UBOX5: variants seen among roughly 807,000 people sequenced by gnomAD.
UBOX5 encodes the protein RING finger protein 37.
In UBOX5, 28 loss-of-function variants were observed where a neutral mutation model predicts 39.0. That is an observed-to-expected ratio of 0.72 (90% CI 0.53 to 0.98). The LOEUF is 0.98. Among genes scored for constraint, UBOX5 ranks in the 50% least tolerant of loss-of-function variants. The probability of loss-of-function intolerance (pLI) is 0.00; values close to 1 mark genes in which losing one functional copy is unlikely to be tolerated. For synonymous variants in UBOX5, 283 were observed against 275.5 expected (o/e 1.03, Z -0.27); for missense variants, 585 against 674.4 (o/e 0.87, Z 1.47).
intron 1 of UBOX5, among the ~76,000 whole-genome samples, chr20:3,143,535 C>A (rs577543857): frequency 4.3e-4 from 66 of 152,260 alleles, no homozygotes; most frequent in African/African-American, 1.6e-3. Flanking sequence ...GTGGCTCACA[C>A]CTGTAATCCC....
At chr20:3,140,573 TTC>T (rs2066509634) in intron 1 of UBOX5, among the ~76,000 whole-genome samples, 1 of 152,162 alleles carries the variant, frequency 6.6e-6, no homozygotes, top group Admixed American at 6.5e-5. Flanking sequence ...CTGCTCTTGC[TTC>T]TCTCCTGAAT....
chr20:3,109,294 C>G lies in UBOX5; in HGVS notation c.*812G>C, dbSNP rs2066234441. The G allele has an allele frequency of 6.6e-6, 1 of 152,046 alleles. No individual in the cohort carries two copies. Among genetic ancestry groups the G allele is most frequent in the Non-Finnish European group, 1.5e-5 (1 of 68,028 alleles). The allele number at this position is 152,046 out of a possible 1,614,324, so 9.4% of individuals were successfully genotyped here. A position where few individuals can be genotyped will look rare whatever the true frequency, so the allele number is the denominator to read the frequency against. ...TATAAACAAGTATTTTTCCTGAAACCAACTGCATGAGGAAACGCTGCGCTC... is the reference window on the plus strand; with the variant it reads ...TATAAACAAGTATTTTTCCTGAAACGAACTGCATGAGGAAACGCTGCGCTC... On this transcript the variant is annotated 3_prime_UTR_variant, in exon 5 of 5. Coordinates refer to ENST00000217173, the MANE Select transcript of UBOX5 (RefSeq NM_014948.4).
chr20:3,122,391 A>G lies in UBOX5; in HGVS notation c.248T>C (p.Met83Thr). 6.2e-7 allele frequency: 1 copy of G among 1,614,128 alleles called. No individual in the cohort carries two copies. Among genetic ancestry groups the G allele is most frequent in the Non-Finnish European group, 8.5e-7 (1 of 1,180,008 alleles). Residue 83 changes from methionine (M) to threonine (T), a missense_variant, in exon 3 of 5, where the codon ATG (methionine) becomes ACG (threonine). Physicochemically the swap from Met to Thr is moderately conservative, Grantham distance 81. Coordinates refer to ENST00000217173, the MANE Select transcript of UBOX5 (RefSeq NM_014948.4). ...GGGQNVTGLE[M>T]YTSASSSRVS... ...TCTGCTAGATGAGGCAGATGTGTAC[A>G]TTTCCAGGCCAGTGACGTTCTGACC... is the stretch of plus-strand genomic sequence containing the variant.
At chr20:3,110,815 T>G in intron 4 of UBOX5, 1 of 156,870 alleles carries the variant, frequency 6.4e-6, no homozygotes, top group Non-Finnish European at 1.4e-5. Context: ...CTGGGCAACA[T>G]AGTGAGATAC....
At chr20:3,140,916 A>ATTTTTTT (rs11365728) in intron 1 of UBOX5, among the ~76,000 whole-genome samples, 3 of 111,996 alleles carry the variant, frequency 2.7e-5, no homozygotes, top group Non-Finnish European at 5.5e-5. Flanking sequence ...GGGTTGCCAG[A>ATTTTTTT]TTTTTTTTTT....
intron 3 of UBOX5, 135 bp downstream of exon 3, chr20:3,121,249 G>C: frequency 7.4e-7 from 1 of 1,343,478 alleles, no homozygotes; most frequent in Non-Finnish European, 1.0e-6. Context: ...CCCAGGATGG[G>C]AAACGGGAAG....
chr20:3,123,685 C>G (rs2066355499), intron 1 of UBOX5, among the ~76,000 whole-genome samples: 1 of 152,146 alleles, frequency 6.6e-6, no homozygotes, highest in Admixed American at 6.5e-5. Context: ...GGAGGCAAGG[C>G]CCATCAGCTG....
chr20:3,147,227 T>G, intron 1 of UBOX5: 1 of 1,614,228 alleles, frequency 6.2e-7, no homozygotes, highest in Non-Finnish European at 8.5e-7. Context: ...AAGCCTTAAT[T>G]TGGCTACATT....
chr20:3,146,239 G>A (rs1324249683), intron 1 of UBOX5, among the ~76,000 whole-genome samples: 4 of 151,864 alleles, frequency 2.6e-5, no homozygotes, highest in Admixed American at 2.6e-4. Context: ...TACTCGGGAG[G>A]ATGAGGCAGG....
intron 1 of UBOX5, among the ~76,000 whole-genome samples, chr20:3,139,541 C>A (rs916916236): frequency 6.6e-6 from 1 of 151,408 alleles, no homozygotes; most frequent in Non-Finnish European, 1.5e-5. Flanking sequence ...AGGCACCCAC[C>A]ACCACACCCA....
chr20:3,141,375 T>A (rs2066516243), intron 1 of UBOX5, among the ~76,000 whole-genome samples: 1 of 151,926 alleles, frequency 6.6e-6, no homozygotes. Context: ...TCATCAGGTG[T>A]GGTGGCTCAC....
chr20:3,110,647 G>T, intron 4 of UBOX5: 1 of 364,550 alleles, frequency 2.7e-6, no homozygotes, highest in Non-Finnish European at 5.2e-6. Flanking sequence ...CAAGGCTGGA[G>T]CAAGGCACAG....
chr20:3,115,399 A>T lies in UBOX5; in HGVS notation c.1323T>A (p.Ser441=), dbSNP rs2066285907. ...TCAGCCGTGCCGTGAAGGAGGGCATAGAGCCAAGGGTGGATGCCAAGGCAA... is the reference window on the plus strand; with the variant it reads ...TCAGCCGTGCCGTGAAGGAGGGCATTGAGCCAAGGGTGGATGCCAAGGCAA... ...LEIALASTLG[S]MPSFTARLTR... is the part of the protein sequence containing the mutation. The change falls in exon 4 of 5, where the codon TCT becomes TCA. Residue 441 remains serine, a synonymous_variant. Transcript: ENST00000217173. 2.5e-6 allele frequency: 4 copies of T among 1,614,110 alleles called. No individual in the cohort carries two copies. In the South Asian group the frequency reaches 4.4e-5, roughly 18 times the overall value.
chr20:3,122,195 T>A lies in UBOX5; in HGVS notation c.444A>T (p.Thr148=), dbSNP rs771733822. ...ARPPFGAMEA[T]LPSPAVVAQE... is the part of the protein sequence containing the mutation. ...GGGCCACAACAGCAGGGGAGGGGAG[T>A]GTGGCTTCCATCGCGCCAAAAGGGG... is the stretch of plus-strand genomic sequence containing the variant. The change falls in exon 3 of 5, where the codon ACA becomes ACT. Residue 148 remains threonine, a synonymous_variant. Transcript: ENST00000217173. The A allele has an allele frequency of 6.2e-7, 1 of 1,613,550 alleles. No homozygotes were observed. The highest frequency in any genetic ancestry group is 8.5e-7 in the Non-Finnish European group (1 of 1,179,952).
chr20:3,109,646 C>T lies in UBOX5; in HGVS notation c.*460G>A, dbSNP rs186381864. 2.9e-4 allele frequency: 54 copies of T among 185,532 alleles called. 1 individual carries two copies. In the Middle Eastern group the frequency reaches 0.013, roughly 45 times the overall value. 11.5% of individuals were successfully genotyped at this position (185,532 alleles called of 1,614,324 possible). A position where few individuals can be genotyped will look rare whatever the true frequency, so the allele number is the denominator to read the frequency against. ...CCATCGCTTTATTAAGGCTGCGAGT[C>T]GGGGGGCTGAGTCATGCACTCCACA... On this transcript the variant is annotated 3_prime_UTR_variant, in exon 5 of 5. Transcript: ENST00000217173.
chr20:3,148,135 C>T, intron 1 of UBOX5: 1 of 1,613,874 alleles, frequency 6.2e-7, no homozygotes, highest in African/African-American at 1.3e-5. Flanking sequence ...CCAAATTGAT[C>T]AAATCTATAT....
chr20:3,128,685 GACCCC>G (rs1244744309), intron 1 of UBOX5, among the ~76,000 whole-genome samples: 1 of 152,034 alleles, frequency 6.6e-6, no homozygotes, highest in Non-Finnish European at 1.5e-5. Context: ...AACACAGCAA[GACCCC>G]GTCTCTACAA....
rs2066336139 is a variant in UBOX5 at position 3,121,562 on chromosome 20, C to T, written c.1077G>A (p.Leu359=). The change falls in exon 3 of 5, where the codon CTG becomes CTA. Residue 359 remains leucine (L), a synonymous_variant. Coordinates refer to ENST00000217173, the MANE Select transcript of UBOX5 (RefSeq NM_014948.4). The part of the protein sequence containing the change: ...ALAVIPSSIV[L]PSQKRKIEQA... The stretch of plus-strand genomic sequence containing the variant: ...GCTCTATCTTCCTTTTCTGAGAGGG[C>T]AGAACAATGGAAGAAGGGATCACTG... The T allele has an allele frequency of 3.1e-6, 5 of 1,608,318 alleles. No individual in the cohort carries two copies. Among genetic ancestry groups the T allele is most frequent in the East Asian group, 2.2e-5 (1 of 44,654 alleles).
chr20:3,146,812 C>A, intron 1 of UBOX5: 1 of 1,614,078 alleles, frequency 6.2e-7, no homozygotes, highest in African/African-American at 1.3e-5. Context: ...CATGAAGAAA[C>A]GCCAACTTTT....
Sources: allele counts gnomAD v4.1 joint callset (sites outside exome capture counted in the v4.1 genomes callset), GRCh38; gene constraint gnomAD v4.1.1; transcripts MANE v1.5; gene names NCBI Gene and HGNC (gene_info 2026-07-23, HGNC 2026-07-21).